CCDC39: variants seen among roughly 807,000 people sequenced by gnomAD.
CCDC39 encodes coiled-coil domain-containing protein 39.
Under a neutral mutation model 121.0 loss-of-function variants are expected in CCDC39, and 113 were observed. The ratio of observed to expected loss-of-function variants is 0.93; its 90% CI spans 0.80 to 1.09. The LOEUF (loss-of-function observed/expected upper bound fraction) is 1.09, where lower values mean the gene tolerates loss of function less well. Ranked by LOEUF, CCDC39 falls within the 50% of genes least tolerant of loss-of-function variation. CCDC39 has a pLI of 0.00. For synonymous variants in CCDC39, 349 were observed against 352.2 expected (o/e 0.99, Z 0.10); for missense variants, 1,063 against 1,074.7 (o/e 0.99, Z 0.15).
intron 9 of CCDC39, among the ~76,000 whole-genome samples, chr3:180,648,987 G>C (rs1056244106): frequency 6.6e-6 from 1 of 152,138 alleles, no homozygotes; most frequent in African/African-American, 2.4e-5. Context: ...GTAACCTTAA[G>C]AGTACAAAAT....
intron 14 of CCDC39, among the ~76,000 whole-genome samples, chr3:180,625,589 A>G (rs73185988): frequency 6.6e-6 from 1 of 152,052 alleles, no homozygotes. Flanking sequence ...CCTTCCATTG[A>G]TAGATGCATA....
intron 1 of CCDC39, among the ~76,000 whole-genome samples, chr3:180,666,058 C>A (rs912100047): frequency 6.6e-6 from 1 of 152,028 alleles, no homozygotes; most frequent in East Asian, 1.9e-4. Context: ...ACCATTACCA[C>A]CAATCCATCT....
At chr3:180,631,049 C>G (rs578180276) in intron 14 of CCDC39, among the ~76,000 whole-genome samples, 89 of 152,262 alleles carry the variant, frequency 5.8e-4, no homozygotes, top group African/African-American at 2.1e-3. Context: ...ATACCAAAGA[C>G]ACTTAGAGTG....
At chr3:180,657,357 T>A (rs2108427628) in intron 6 of CCDC39, among the ~76,000 whole-genome samples, 1 of 152,244 alleles carries the variant, frequency 6.6e-6, no homozygotes, top group Middle Eastern at 3.4e-3. Context: ...CTACTAGTTG[T>A]GTATTCTGCC....
Position 180,641,996 on chromosome 3 carries a change from A to G in CCDC39, c.1871T>C (p.Ile624Thr). 1 of 1,575,898 alleles carries G rather than the reference A, an allele frequency of 6.3e-7. No individual in the cohort carries two copies. The highest frequency in any genetic ancestry group is 8.6e-7 in the Non-Finnish European group (1 of 1,159,604). Residue 624 changes from isoleucine to threonine, a missense_variant, in exon 13 of 20, where the codon ATA becomes ACA. Coordinates refer to ENST00000476379, the MANE Select transcript of CCDC39 (RefSeq NM_181426.2). ...CAGTTTTAAAACTGAAAATTACCTTATGTTTTCCCGTTCTTGATCAACATA... is the reference window on the plus strand; with the variant it reads ...CAGTTTTAAAACTGAAAATTACCTTGTGTTTTCCCGTTCTTGATCAACATA... ...IRYVDQEREN[I>T]STEFRERLSK...
At chr3:180,623,806 G>A (rs960473964) in intron 14 of CCDC39, among the ~76,000 whole-genome samples, 4 of 151,730 alleles carry the variant, frequency 2.6e-5, no homozygotes, top group African/African-American at 9.7e-5. Flanking sequence ...TCACTCCACT[G>A]TGGTCTGAGA....
chr3:180,618,669 G>T (rs1717339188), intron 16 of CCDC39, among the ~76,000 whole-genome samples: 2 of 151,866 alleles, frequency 1.3e-5, no homozygotes, highest in Non-Finnish European at 2.9e-5. Context: ...TTGGTTTTTT[G>T]TCCTTGCATT....
chr3:180,623,873 C>G (rs1288548080), intron 14 of CCDC39, among the ~76,000 whole-genome samples: 1 of 150,870 alleles, frequency 6.6e-6, no homozygotes, highest in African/African-American at 2.4e-5. Context: ...TGGAGATGTT[C>G]CATGTGCTTA....
rs111506595 is a variant in CCDC39 at position 180,669,177 on chromosome 3, A to G, written c.91-5191T>C. ...ATTAAATTCTCACACATGGAAAGAT[A>G]TGCTTCTGGATGTCTGGTGTTTGGC... On this transcript the variant is annotated intron_variant, in intron 1 of 19. Coordinates refer to ENST00000476379, the MANE Select transcript of CCDC39 (RefSeq NM_181426.2). Among the ~76,000 whole-genome samples, 283 of 152,252 alleles carry G rather than the reference A, an allele frequency of 1.9e-3. 1 individual carries two copies. Among genetic ancestry groups the G allele is most frequent in the African/African-American group, 6.6e-3 (273 of 41,540 alleles).
intron 6 of CCDC39, among the ~76,000 whole-genome samples, chr3:180,656,004 G>A (rs912130837): frequency 2.6e-5 from 4 of 152,076 alleles, no homozygotes; most frequent in African/African-American, 9.7e-5. Flanking sequence ...AAATCAACAG[G>A]TTTTAGAAAT....
chr3:180,614,779 C>T lies in CCDC39; in HGVS notation c.*142G>A. On this transcript the variant is annotated 3_prime_UTR_variant, in exon 20 of 20. Coordinates refer to ENST00000476379, the MANE Select transcript of CCDC39 (RefSeq NM_181426.2). ...AACAGTAGAGAAAATGAGAACGTTC[C>T]TTTTTTTTTAAAACTATCAGTTTTT... is the stretch of plus-strand genomic sequence containing the variant. The T allele has an allele frequency of 4.5e-6, 3 of 662,476 alleles. No individual in the cohort carries two copies. The highest frequency in any genetic ancestry group is 7.1e-6 in the Non-Finnish European group (3 of 421,462). The allele number at this position is 662,476 out of a possible 1,614,324, so 41.0% of individuals were successfully genotyped here. A position where few individuals can be genotyped will look rare whatever the true frequency, so the allele number is the denominator to read the frequency against.
chr3:180,659,849 G>A lies in CCDC39; in HGVS notation c.517-80C>T. On this transcript the variant is annotated intron_variant, in intron 4 of 19. Coordinates refer to ENST00000476379, the MANE Select transcript of CCDC39 (RefSeq NM_181426.2). ...TTATTAGTGTATCTAACATTAAATA[G>A]TATTACACTATACATTTACATTTAT... 5 of 816,510 alleles carry A rather than the reference G, an allele frequency of 6.1e-6. 1 individual carries two copies. The South Asian group carries it at 9.5e-5, about 16-fold the overall frequency. The allele number at this position is 816,510 out of a possible 1,614,324, so 50.6% of individuals were successfully genotyped here.
Position 180,616,860 on chromosome 3 carries a change from T to G in CCDC39, c.2372A>C (p.Glu791Ala), listed in dbSNP as rs1717264912. 2.5e-6 allele frequency: 4 copies of G among 1,608,162 alleles called. No homozygotes were observed. The highest frequency in any genetic ancestry group is 3.4e-6 in the Non-Finnish European group (4 of 1,175,658). The change falls in exon 17 of 20, where the codon GAG becomes GCG. Residue 791 changes from glutamate to alanine, a missense_variant. Physicochemically the swap from Glu to Ala is moderately radical, Grantham distance 107. Coordinates refer to ENST00000476379, the MANE Select transcript of CCDC39 (RefSeq NM_181426.2). ...CACTCTTTCTAATTTTGGCTTCTGC[T>G]CCTCCGTTTCTTTACTTAGTTGAAA... is the stretch of plus-strand genomic sequence containing the variant. Reference protein sequence around the residue: ...YSFQLSKETEEQKPKLERVTK... With the variant: ...YSFQLSKETEAQKPKLERVTK...
At position 180,614,366 on chromosome 3, in the gene CCDC39, GTT is replaced by G. The variant is rs546471720; in HGVS notation, c.*553_*554del. ...TTGATATACAGTGTTTCTCTTACCG[GTT>G]TTTTTTTGGGGGGGTGGGGTGGGTA... On this transcript the variant is annotated 3_prime_UTR_variant, in exon 20 of 20. Transcript: ENST00000476379. The G allele has an allele frequency of 2.1e-5, 1 of 47,990 alleles. No homozygotes were observed. The highest frequency in any genetic ancestry group is 3.8e-5 in the Non-Finnish European group (1 of 26,500). 3.0% of individuals were successfully genotyped at this position (47,990 alleles called of 1,614,324 possible). A position where few individuals can be genotyped will look rare whatever the true frequency, so the allele number is the denominator to read the frequency against.
intron 9 of CCDC39, 39 bp from the exon 10 acceptor site, chr3:180,648,398 T>C (rs1183407639): frequency 7.9e-7 from 1 of 1,264,588 alleles, no homozygotes; most frequent in Non-Finnish European, 1.1e-6. Flanking sequence ...GAATTAAATA[T>C]ATTGAAATGT....
intron 17 of CCDC39, 52 bp from the exon 18 acceptor site, chr3:180,616,747 A>G (rs1717259888): frequency 6.4e-7 from 1 of 1,573,468 alleles, no homozygotes. Context: ...CCAGAATTTA[A>G]TATTTTTAAT....
intron 1 of CCDC39, among the ~76,000 whole-genome samples, chr3:180,677,167 T>TA (rs1560097191): frequency 8.3e-4 from 60 of 72,204 alleles, no homozygotes; most frequent in African/African-American, 2.5e-3. Context: ...TAATAATAAT[T>TA]TTATATATAT....
intron 1 of CCDC39, among the ~76,000 whole-genome samples, chr3:180,676,824 A>C (rs1372584743): frequency 7.5e-6 from 1 of 133,186 alleles, no homozygotes; most frequent in African/African-American, 2.8e-5. Context: ...AAAAATGATG[A>C]GTTCATGTCC....
intron 1 of CCDC39, among the ~76,000 whole-genome samples, chr3:180,674,889 T>C (rs1486815503): frequency 2.0e-5 from 3 of 152,234 alleles, no homozygotes; most frequent in Non-Finnish European, 4.4e-5. Context: ...GCCAGTATTT[T>C]ATGGAGGATT....
Sources: allele counts gnomAD v4.1 joint callset (sites outside exome capture counted in the v4.1 genomes callset), GRCh38; gene constraint gnomAD v4.1.1; transcripts MANE v1.5; gene names NCBI Gene and HGNC (gene_info 2026-07-23, HGNC 2026-07-21).